The following LOC101059915 variants were observed in gnomAD, a reference collection of about 807,000 sequenced individuals.
the LOC101059915 span, chrX:71,670,271 A>T: frequency 1.5e-5 from 17 of 1,164,076 alleles, no homozygotes; most frequent in South Asian, 2.9e-4. Context: ...ACTGGCAGCC[A>T]CCTGTCCATC....
chrX:71,670,547 G>A, the LOC101059915 span: 11 of 1,086,200 alleles, frequency 1.0e-5, no homozygotes, highest in Non-Finnish European at 1.3e-5. Context: ...GAGACAGGGA[G>A]AACGGGGAGA....
At chrX:71,669,101 C>T in the LOC101059915 span, 5 of 1,094,509 alleles carry the variant, frequency 4.6e-6, no homozygotes, top group East Asian at 1.7e-4. Context: ...CCTCTTTCTC[C>T]TCTGTCTCCC....
At chrX:71,668,421 C>G in the LOC101059915 span, 34 of 1,161,858 alleles carry the variant, frequency 2.9e-5, no homozygotes, top group Non-Finnish European at 3.8e-5. Context: ...TGAATACTGA[C>G]GACTCTGATT....
the LOC101059915 span, chrX:71,668,335 C>A: frequency 1.8e-6 from 2 of 1,137,552 alleles, no homozygotes; most frequent in East Asian, 3.3e-5. Context: ...CTGGGAGAAC[C>A]CAGAAAGGGG....
At chrX:71,668,734 G>A in the LOC101059915 span, 1 of 1,073,892 alleles carries the variant, frequency 9.3e-7, no homozygotes, top group Non-Finnish European at 1.2e-6. Context: ...TGCCGTTAGA[G>A]GGCCCCTACC....
the LOC101059915 span, chrX:71,670,773 A>T: frequency 9.3e-7 from 1 of 1,077,528 alleles, no homozygotes; most frequent in Admixed American, 4.4e-5. Context: ...TCCTCTGGGG[A>T]AGAGAACCAA....
the LOC101059915 span, chrX:71,668,517 G>GA: frequency 8.7e-7 from 1 of 1,145,708 alleles, no homozygotes; most frequent in Non-Finnish European, 1.2e-6. Context: ...GAAGCCCCAA[G>GA]AAGCCAGGAG....
the LOC101059915 span, chrX:71,671,332 C>A: frequency 2.0e-6 from 2 of 979,940 alleles, no homozygotes; most frequent in East Asian, 3.4e-5. Context: ...GGGGCCCATC[C>A]CTGAGCTGCT....
the LOC101059915 span, chrX:71,667,778 C>A: frequency 7.7e-6 from 8 of 1,038,894 alleles, no homozygotes; most frequent in Non-Finnish European, 9.8e-6. Flanking sequence ...CTCCCCACAG[C>A]CTGGCTGTCT....
At chrX:71,670,780 C>T in the LOC101059915 span, 1 of 1,077,548 alleles carries the variant, frequency 9.3e-7, no homozygotes, top group Admixed American at 4.3e-5. Context: ...GGGAAGAGAA[C>T]CAAGCAGGCC....
chrX:71,668,407 G>A, the LOC101059915 span: 2 of 1,158,286 alleles, frequency 1.7e-6, no homozygotes, highest in South Asian at 2.0e-5. Flanking sequence ...AGGCCCCGCC[G>A]GGCTGAATAC....
the LOC101059915 span, chrX:71,667,918 C>T: frequency 2.2e-5 from 25 of 1,135,506 alleles, no homozygotes; most frequent in Non-Finnish European, 2.9e-5. Flanking sequence ...CGGCCACGGC[C>T]GAGACCTCAA....
At chrX:71,669,838 C>T in the LOC101059915 span, 2 of 693,823 alleles carry the variant, frequency 2.9e-6, no homozygotes, top group South Asian at 1.2e-4. Flanking sequence ...GCAGCTGTCC[C>T]ACAGGAAATG....
At chrX:71,668,535 C>T in the LOC101059915 span, 316 of 1,137,626 alleles carry the variant, frequency 2.8e-4, 1 homozygote, top group African/African-American at 5.1e-3. Flanking sequence ...GAGACACTTG[C>T]GGACGCCGCA....
At chrX:71,671,430 T>G in the LOC101059915 span, 1 of 447,477 alleles carries the variant, frequency 2.2e-6, no homozygotes, top group Non-Finnish European at 3.8e-6. Flanking sequence ...GCGGGTTCCC[T>G]CCATATCCTG....
the LOC101059915 span, chrX:71,670,646 G>T: frequency 1.8e-6 from 2 of 1,112,319 alleles, no homozygotes; most frequent in East Asian, 6.7e-5. Context: ...GAAGACCTTA[G>T]AGACCAACTA....
At chrX:71,671,508 A>G in the LOC101059915 span, 3 of 293,523 alleles carry the variant, frequency 1.0e-5, no homozygotes, top group Non-Finnish European at 1.8e-5. Flanking sequence ...GCAGTGTGAA[A>G]TAAAGTTGTT....
the LOC101059915 span, chrX:71,668,234 G>A: frequency 2.7e-6 from 3 of 1,120,138 alleles, no homozygotes; most frequent in Non-Finnish European, 3.5e-6. Context: ...GTCGGTCCCA[G>A]TTGGAGAGGT....
the LOC101059915 span, chrX:71,670,555 A>G: frequency 9.2e-7 from 1 of 1,092,247 alleles, no homozygotes; most frequent in South Asian, 2.3e-5. Flanking sequence ...GAGAACGGGG[A>G]GAAAGGAAGC....
Sources: gnomAD v4.1 joint callset for allele counts on GRCh38, gnomAD v4.1.1 for gene constraint, MANE v1.5 for transcripts.